NUTM2F: variants seen among roughly 807,000 people sequenced by gnomAD.
The protein encoded by NUTM2F is NUT family member 2F, also known as family with sequence similarity 22, member F.
NUTM2F carries 22 observed loss-of-function variants against 43.3 expected under a neutral mutation model. The observed-to-expected ratio is 0.51, with a 90% confidence interval of 0.36 to 0.73. The LOEUF is 0.73. NUTM2F is among the 30% of genes least tolerant of loss of function. The pLI, the probability that NUTM2F is intolerant of heterozygous loss-of-function variation, is 0.00. For missense variants in NUTM2F, 488 were observed against 927.4 expected, an observed-to-expected ratio of 0.53 and a Z score of 6.15; for synonymous variants, 202 against 389.0, an observed-to-expected ratio of 0.52 and a Z score of 5.66.
rs572738155 is a variant in NUTM2F, at chr9:94,320,611, G to A, written c.983-18C>T. 160 of 1,590,938 alleles carry A rather than the reference G, an allele frequency of 1.0e-4. No homozygotes were observed. In the African/African-American group the frequency reaches 1.7e-3, roughly 17 times the overall value. ...AAGGTACACTGAGGCAGAGAGGGAG[G>A]AGGATGGGTGTGGTGAGGGCCGCTC... On this transcript the variant is annotated intron_variant, in intron 4 of 6. Transcript: ENST00000253262. The surrounding 1 kb of genome is among the most constrained non-coding windows in gnomAD (Gnocchi z 4.5).
rs1165906899 is a variant in NUTM2F at position 94,320,459 on chromosome 9, G to A, written c.1117C>T (p.Leu373=). 1.9e-6 allele frequency: 3 copies of A among 1,609,008 alleles called. No homozygotes were observed. The highest frequency in any genetic ancestry group is 2.5e-6 in the Non-Finnish European group (3 of 1,177,324). ...GGCCTCTGGGGCCTGGGTGGTGGCA[G>A]GTGGGCGTTGGTCTCCGCTGGCCTC... is the stretch of plus-strand genomic sequence containing the variant. ...PQRPAETNAH[L]PPPRPQRPAE... is the part of the protein sequence containing the mutation. The change falls in exon 5 of 7, where the codon CTG becomes TTG. Residue 373 remains leucine, a synonymous_variant. Coordinates refer to ENST00000253262, the MANE Select transcript of NUTM2F (RefSeq NM_017561.2). This position sits in a 1 kb window ranked among gnomAD's most constrained non-coding sequence, Gnocchi z 4.5.
rs1831349330 is a variant in NUTM2F at position 94,320,605 on chromosome 9, A to G, written c.983-12T>C. The G allele has an allele frequency of 1.3e-6, 2 of 1,596,054 alleles. No homozygotes were observed. The highest frequency in any genetic ancestry group is 1.7e-5 in the Admixed American group (1 of 58,472). On this transcript the variant is annotated splice_polypyrimidine_tract_variant and intron_variant, in intron 4 of 6. Coordinates refer to ENST00000253262, the MANE Select transcript of NUTM2F (RefSeq NM_017561.2). The surrounding 1 kb of genome is among the most constrained non-coding windows in gnomAD (Gnocchi z 4.5). ...GCTGGGAAGGTACACTGAGGCAGAGAGGGAGGAGGATGGGTGTGGTGAGGG... is the reference window on the plus strand; with the variant it reads ...GCTGGGAAGGTACACTGAGGCAGAGGGGGAGGAGGATGGGTGTGGTGAGGG...
In NUTM2F at chr9:94,320,078, C is replaced by T; in HGVS notation, c.1368+130G>A. The T allele has an allele frequency of 3.8e-6, 3 of 786,084 alleles. No individual in the cohort carries two copies. Among genetic ancestry groups the T allele is most frequent in the South Asian group, 1.8e-5 (1 of 55,516 alleles). The allele number at this position is 786,084 out of a possible 1,614,324, so 48.7% of individuals were successfully genotyped here. Reference sequence around the variant, plus strand: ...AGCAACACACAGACACACACAGTCACATACACAGACACTCAAATCCATGGA... The same window carrying T: ...AGCAACACACAGACACACACAGTCATATACACAGACACTCAAATCCATGGA... On this transcript the variant is annotated intron_variant, in intron 5 of 6. Coordinates refer to ENST00000253262, the MANE Select transcript of NUTM2F (RefSeq NM_017561.2). The surrounding 1 kb of genome is among the most constrained non-coding windows in gnomAD (Gnocchi z 4.5).
Position 94,321,946 on chromosome 9 carries a change from C to T in NUTM2F, c.842+255G>A, listed in dbSNP as rs567530430. Among the ~76,000 whole-genome samples the T allele has an allele frequency of 6.6e-5, 10 of 151,806 alleles. No homozygotes were observed. The South Asian group carries it at 1.7e-3, about 25-fold the overall frequency. ...TTTGGGCTGCGATGCTGGCTGCTCC[C>T]GCCATGACCCCCAGTGTCAAGACAG... On this transcript the variant is annotated intron_variant, in intron 3 of 6. Transcript: ENST00000253262.
At position 94,323,391 on chromosome 9, in the gene NUTM2F, C is replaced by T. The variant is rs565210014; in HGVS notation, c.714-1062G>A. Among the ~76,000 whole-genome samples the T allele has an allele frequency of 6.6e-5, 10 of 152,314 alleles. 1 individual carries two copies. The highest frequency in any genetic ancestry group is 4.1e-4 in the South Asian group (2 of 4,828). On this transcript the variant is annotated intron_variant, in intron 2 of 6. Coordinates refer to ENST00000253262, the MANE Select transcript of NUTM2F (RefSeq NM_017561.2). ...GCTCAAGCTCCTGTTTGCTCATCAG[C>T]GGGAAACACAGGGTCACAGAGGTGC...
At chr9:94,323,923 C>T (rs541647032) in intron 2 of NUTM2F, among the ~76,000 whole-genome samples, 1 of 152,148 alleles carries the variant, frequency 6.6e-6, no homozygotes, top group African/African-American at 2.4e-5. Context: ...ATGTGATGTG[C>T]CCCTGGCCAT....
chr9:94,322,083 C>G, intron 3 of NUTM2F, 118 bp downstream of exon 3: 1 of 1,503,750 alleles, frequency 6.7e-7, no homozygotes, highest in South Asian at 1.2e-5. Flanking sequence ...CCCAGGGCAT[C>G]CTGTGTTTGT....
At position 94,320,735 on chromosome 9, in the gene NUTM2F, G is replaced by A. The variant is rs1248396812; in HGVS notation, c.983-142C>T. ...TGAACCACAGCGCCCCGGAGGAGAC[G>A]CCACAGGAGGGGCACATCTGAGACA... On this transcript the variant is annotated intron_variant, in intron 4 of 6. Transcript: ENST00000253262. The surrounding 1 kb of genome is among the most constrained non-coding windows in gnomAD (Gnocchi z 4.5). 8.1e-6 allele frequency: 11 copies of A among 1,352,306 alleles called. No individual in the cohort carries two copies. The highest frequency in any genetic ancestry group is 5.8e-5 in the South Asian group (4 of 68,566). The allele number at this position is 1,352,306 out of a possible 1,614,324, so 83.8% of individuals were successfully genotyped here. A position where few individuals can be genotyped will look rare whatever the true frequency, so the allele number is the denominator to read the frequency against.
chr9:94,322,312 A>G lies in NUTM2F; in HGVS notation c.731T>C (p.Leu244Pro). 1 of 1,611,926 alleles carries G rather than the reference A, an allele frequency of 6.2e-7. No homozygotes were observed. Among genetic ancestry groups the G allele is most frequent in the Non-Finnish European group, 8.5e-7 (1 of 1,179,834 alleles). Residue 244 changes from leucine to proline, a missense_variant, in exon 3 of 7, where the codon CTG becomes CCG. By Grantham distance (98) the Leu-to-Pro change is moderately conservative (BLOSUM62 -3). Coordinates refer to ENST00000253262, the MANE Select transcript of NUTM2F (RefSeq NM_017561.2). ...SCFLIPVLRS[L>P]ARRKPTMTLE... is the part of the protein sequence containing the mutation. ...CGTCATGGTGGGCTTCCGCCGGGCC[A>G]GGGATCGGAGAACTGGGCTGTAAAC...
rs1831337914 is a variant in NUTM2F at position 94,320,150 on chromosome 9, G to T, written c.1368+58C>A. 1 of 1,488,692 alleles carries T rather than the reference G, an allele frequency of 6.7e-7. No homozygotes were observed. Among genetic ancestry groups the T allele is most frequent in the South Asian group, 1.2e-5 (1 of 84,226 alleles). 92.2% of individuals were successfully genotyped at this position (1,488,692 alleles called of 1,614,324 possible). ...CTAAGGAACAGAGCTTAATTCCAAG[G>T]ACCTGGAAGTGCCACCCCCTGGAAT... On this transcript the variant is annotated intron_variant, in intron 5 of 6. Transcript: ENST00000253262. This position sits in a 1 kb window ranked among gnomAD's most constrained non-coding sequence, Gnocchi z 4.5.
chr9:94,321,135 C>T lies in NUTM2F; in HGVS notation c.940G>A (p.Glu314Lys). 6.4e-7 allele frequency: 1 copy of T among 1,552,124 alleles called. No individual in the cohort carries two copies. Among genetic ancestry groups the T allele is most frequent in the Non-Finnish European group, 8.6e-7 (1 of 1,156,510 alleles). Reference sequence around the variant, plus strand: ...TCAGGGGCAGGGGGTCCTCGAGGTTCAAGCCTCGGCGGGGCTGGAGGAGGC... The same window carrying T: ...TCAGGGGCAGGGGGTCCTCGAGGTTTAAGCCTCGGCGGGGCTGGAGGAGGC... ...SLPPPAPPRL[E>K]PRGPPAPEVV... The change falls in exon 4 of 7, where the codon GAA (glutamate) becomes AAA (lysine). Residue 314 changes from glutamate to lysine, a missense_variant. Coordinates refer to ENST00000253262, the MANE Select transcript of NUTM2F (RefSeq NM_017561.2).
In NUTM2F at chr9:94,321,302, C is replaced by T; in HGVS notation, c.843-70G>A. Reference sequence around the variant, plus strand: ...CCCTCCCCCCAGGACCAGGCAGCAGCTGAGGGCAGGGATGGGAGGGAGTGC... The same window carrying T: ...CCCTCCCCCCAGGACCAGGCAGCAGTTGAGGGCAGGGATGGGAGGGAGTGC... On this transcript the variant is annotated intron_variant, in intron 3 of 6. Transcript: ENST00000253262. 3 of 1,538,226 alleles carry T rather than the reference C, an allele frequency of 2.0e-6. No individual in the cohort carries two copies. The South Asian group carries it at 3.6e-5, about 18-fold the overall frequency.
chr9:94,319,720 C>T lies in NUTM2F; in HGVS notation c.1378G>A (p.Val460Ile), dbSNP rs747488846. ...QEDFVTKVEA[V>I]IHPRFLEELL... ...TCTTCCAGGAATCGGGGGTGAATGA[C>T]GGCCTCCACCTGGAAACAGAAGGAA... is the stretch of plus-strand genomic sequence containing the variant. Residue 460 changes from valine (V) to isoleucine (I), a missense_variant, in exon 6 of 7, where the codon GTC becomes ATC. Coordinates refer to ENST00000253262, the MANE Select transcript of NUTM2F (RefSeq NM_017561.2). 19 of 1,610,652 alleles carry T rather than the reference C, an allele frequency of 1.2e-5. No homozygotes were observed. The highest frequency in any genetic ancestry group is 2.2e-5 in the East Asian group (1 of 44,816).
intron 1 of NUTM2F, 48 bp from the exon 2 acceptor site, chr9:94,325,982 A>G: frequency 6.2e-7 from 1 of 1,605,644 alleles, no homozygotes; most frequent in Non-Finnish European, 8.5e-7. Flanking sequence ...CTCCAGGTCC[A>G]CACTAGTCAC....
Position 94,319,623 on chromosome 9 carries a change from G to A in NUTM2F, c.1475C>T (p.Thr492Ile), listed in dbSNP as rs1182615780. 1.9e-6 allele frequency: 3 copies of A among 1,612,388 alleles called. No homozygotes were observed. The highest frequency in any genetic ancestry group is 3.3e-5 in the Admixed American group (2 of 60,014). ...SQELEQEEGL[T>I]LAQLVEKRLL... ...CCTCCGCTGCTCTACCTGGGCAAGGGTGAGTCCTTCCTCCTGCTCCAGCTC... is the reference window on the plus strand; with the variant it reads ...CCTCCGCTGCTCTACCTGGGCAAGGATGAGTCCTTCCTCCTGCTCCAGCTC... The change falls in exon 6 of 7, where the codon ACC becomes ATC. Residue 492 changes from threonine to isoleucine, a missense_variant. Coordinates refer to ENST00000253262, the MANE Select transcript of NUTM2F (RefSeq NM_017561.2).
intron 1 of NUTM2F, among the ~76,000 whole-genome samples, chr9:94,327,255 C>T (rs930008922): frequency 6.6e-6 from 1 of 151,982 alleles, no homozygotes; most frequent in African/African-American, 2.4e-5. Context: ...AGGCGCCCGC[C>T]ACCATGCCCA....
rs1831350620 is a variant in NUTM2F, at chr9:94,320,669, C to T, written c.983-76G>A. Reference sequence around the variant, plus strand: ...CTGCACCACACAGGGGAGGGCAGGGCTTGGGGATGTGAAGTGGGTCCCAGC... The same window carrying T: ...CTGCACCACACAGGGGAGGGCAGGGTTTGGGGATGTGAAGTGGGTCCCAGC... On this transcript the variant is annotated intron_variant, in intron 4 of 6. Coordinates refer to ENST00000253262, the MANE Select transcript of NUTM2F (RefSeq NM_017561.2). The surrounding 1 kb of genome is among the most constrained non-coding windows in gnomAD (Gnocchi z 4.5). The T allele has an allele frequency of 1.0e-5, 15 of 1,445,856 alleles. No individual in the cohort carries two copies. The highest frequency in any genetic ancestry group is 1.4e-5 in the Non-Finnish European group (15 of 1,080,934). The allele number at this position is 1,445,856 out of a possible 1,614,324, so 89.6% of individuals were successfully genotyped here.
In NUTM2F at chr9:94,328,039, G is replaced by A. The variant is rs922593269; in HGVS notation, c.16+569C>T. The stretch of plus-strand genomic sequence containing the variant: ...CGGAGAAGCCATCTCTGGGGAGGAA[G>A]CTGAGAGGCTCTGGGCTGTGGCAGT... On this transcript the variant is annotated intron_variant, in intron 1 of 6. Transcript: ENST00000253262. Among the ~76,000 whole-genome samples, 16 of 152,006 alleles carry A rather than the reference G, an allele frequency of 1.1e-4. 1 individual carries two copies. Among genetic ancestry groups the A allele is most frequent in the African/African-American group, 3.4e-4 (14 of 41,422 alleles).
chr9:94,323,784 C>A (rs1336063592), intron 2 of NUTM2F, among the ~76,000 whole-genome samples: 2 of 152,144 alleles, frequency 1.3e-5, no homozygotes, highest in African/African-American at 2.4e-5. Flanking sequence ...CCAGCATCGA[C>A]CCTAGTGCGG....
Sources: gnomAD v4.1 joint callset for allele counts (sites outside exome capture counted in the v4.1 genomes callset) on GRCh38, gnomAD v4.1.1 for gene constraint, Gnocchi (gnomAD v3.1) non-coding constraint, MANE v1.5 for transcripts, NCBI Gene and HGNC (gene_info 2026-07-23, HGNC 2026-07-21) for gene names.